The following KLHL2 variants were observed in gnomAD, a reference collection of about 807,000 sequenced individuals.
KLHL2 encodes kelch like family member 2.
A neutral mutation model predicts 75.8 loss-of-function variants in KLHL2; 15 were observed. The ratio of observed to expected loss-of-function variants is 0.20; its 90% CI spans 0.13 to 0.30. The LOEUF (loss-of-function observed/expected upper bound fraction) is 0.30, where lower values mean the gene tolerates loss of function less well. Among genes scored for constraint, KLHL2 ranks in the 10% least tolerant of loss-of-function variants. The probability of loss-of-function intolerance (pLI) is 1.00; values close to 1 mark genes in which losing one functional copy is unlikely to be tolerated. For synonymous variants in KLHL2, 214 were observed against 251.9 expected (o/e 0.85, Z 1.42); for missense variants, 381 against 741.0 (o/e 0.51, Z 5.64).
chr4:165,279,462 G>A lies in KLHL2; in HGVS notation c.545-14897G>A, dbSNP rs953408271. 4 of 1,599,386 alleles carry A rather than the reference G, an allele frequency of 2.5e-6. No individual in the cohort carries two copies. The African/African-American group carries it at 5.4e-5, about 21-fold the overall frequency. On this transcript the variant is annotated intron_variant, in intron 5 of 14. Coordinates refer to ENST00000226725, the MANE Select transcript of KLHL2 (RefSeq NM_007246.4). The stretch of plus-strand genomic sequence containing the variant: ...TTCTCTATACACTCATAGACAGAAT[G>A]TAGAATTTCCTTAGGGTCCTGTTCC...
chr4:165,209,934 C>A (rs999420001), intron 1 of KLHL2: 2 of 1,281,920 alleles, frequency 1.6e-6, no homozygotes, highest in East Asian at 2.6e-5. Flanking sequence ...CCTCCACTCC[C>A]ATTAACATCC....
chr4:165,214,427 A>G (rs956755861), intron 1 of KLHL2, among the ~76,000 whole-genome samples: 1 of 152,134 alleles, frequency 6.6e-6, no homozygotes, highest in Non-Finnish European at 1.5e-5. Context: ...TTTCCTGGTA[A>G]TAGTCACTGT....
At chr4:165,258,593 A>G (rs1428119730) in intron 4 of KLHL2, among the ~76,000 whole-genome samples, 1 of 152,180 alleles carries the variant, frequency 6.6e-6, no homozygotes, top group Non-Finnish European at 1.5e-5. Flanking sequence ...AGCTCAGAAA[A>G]TAAGTTTCAA....
At chr4:165,296,244 C>T (rs1158813564) in intron 6 of KLHL2, among the ~76,000 whole-genome samples, 3 of 152,220 alleles carry the variant, frequency 2.0e-5, no homozygotes, top group Admixed American at 2.0e-4. Flanking sequence ...CCTCCACCTA[C>T]TTTTGTCTGG....
intron 5 of KLHL2, among the ~76,000 whole-genome samples, chr4:165,273,162 C>A (rs1473795015): frequency 1.3e-5 from 2 of 152,158 alleles, no homozygotes; most frequent in Non-Finnish European, 2.9e-5. Flanking sequence ...CTTCGTTACT[C>A]CCCTTCCCTT....
intron 3 of KLHL2, among the ~76,000 whole-genome samples, chr4:165,235,145 T>TA (rs1223098643): frequency 2.0e-5 from 3 of 152,250 alleles, no homozygotes; most frequent in Non-Finnish European, 2.9e-5. Context: ...TGCCATTAGT[T>TA]ACGTTAAGTA....
intron 4 of KLHL2, among the ~76,000 whole-genome samples, chr4:165,252,100 A>G (rs1000607521): frequency 5.3e-5 from 8 of 152,228 alleles, no homozygotes; most frequent in African/African-American, 9.6e-5. Context: ...ATCTTGATGA[A>G]CAAAAAAATG....
chr4:165,250,611 G>A (rs1337808119), intron 4 of KLHL2, among the ~76,000 whole-genome samples: 1 of 152,106 alleles, frequency 6.6e-6, no homozygotes, highest in Admixed American at 6.5e-5. Context: ...TATTAAATGA[G>A]GCCAACAGTG....
intron 5 of KLHL2, among the ~76,000 whole-genome samples, chr4:165,264,682 A>G (rs796670958): frequency 0.028 from 1,936 of 68,690 alleles, 103 homozygotes; most frequent in African/African-American, 0.069. Flanking sequence ...ACGTATATGT[A>G]TGTGTGTGTG....
At chr4:165,321,443 A>G in intron 14 of KLHL2, 1 of 387,890 alleles carries the variant, frequency 2.6e-6, no homozygotes. Flanking sequence ...TACTTTAAGA[A>G]TACAATATAT....
intron 7 of KLHL2, among the ~76,000 whole-genome samples, chr4:165,298,133 C>T (rs1430086551): frequency 2.0e-5 from 3 of 152,182 alleles, no homozygotes; most frequent in Non-Finnish European, 2.9e-5. Context: ...GCCACCATTC[C>T]CCGTTCTTAG....
chr4:165,220,266 C>T (rs574838724), intron 2 of KLHL2, among the ~76,000 whole-genome samples: 5 of 151,834 alleles, frequency 3.3e-5, no homozygotes, highest in South Asian at 4.2e-4. Context: ...GTGTGGTAGC[C>T]GCTTAGCCAC....
intron 5 of KLHL2, among the ~76,000 whole-genome samples, chr4:165,291,375 T>C (rs1429263059): frequency 6.6e-6 from 1 of 152,192 alleles, no homozygotes. Flanking sequence ...TGGATAATAC[T>C]TTTGATGTTG....
chr4:165,214,526 C>G (rs1240262356), intron 1 of KLHL2, among the ~76,000 whole-genome samples: 1 of 152,118 alleles, frequency 6.6e-6, no homozygotes, highest in Non-Finnish European at 1.5e-5. Context: ...TGAAGCAGAG[C>G]TTTTTACAGC....
At chr4:165,280,143 C>T (rs1446243182) in intron 5 of KLHL2, among the ~76,000 whole-genome samples, 2 of 152,182 alleles carry the variant, frequency 1.3e-5, no homozygotes, top group Non-Finnish European at 2.9e-5. Flanking sequence ...AACTCTTGGC[C>T]GTTCAGCCTA....
chr4:165,321,996 G>A (rs1747019778), intron 14 of KLHL2, 36 bp from the exon 15 acceptor site: 1 of 1,607,894 alleles, frequency 6.2e-7, no homozygotes, highest in African/African-American at 1.3e-5. Flanking sequence ...AGTGCTGCCT[G>A]TGACTTCTTT....
rs549748133 is a variant in KLHL2 at position 165,297,865 on chromosome 4, G to A, written c.771+140G>A. The stretch of plus-strand genomic sequence containing the variant: ...AGGACAGAAGACAGTAAAGGACCCC[G>A]CAGGCTGGAGTGCAGTGGCGTCATC... On this transcript the variant is annotated intron_variant, in intron 7 of 14. Coordinates refer to ENST00000226725, the MANE Select transcript of KLHL2 (RefSeq NM_007246.4). The A allele has an allele frequency of 6.5e-5, 42 of 643,790 alleles. 1 individual carries two copies. In the Middle Eastern group the frequency reaches 2.1e-3, roughly 32 times the overall value. 39.9% of individuals were successfully genotyped at this position (643,790 alleles called of 1,614,324 possible).
chr4:165,264,454 T>C (rs1741981337), intron 5 of KLHL2, among the ~76,000 whole-genome samples: 3 of 151,624 alleles, frequency 2.0e-5, no homozygotes, highest in South Asian at 4.2e-4. Context: ...CTCCCACTTA[T>C]AAGTGTGAAT....
chr4:165,295,419 T>G (rs1178283237), intron 6 of KLHL2, among the ~76,000 whole-genome samples: 1 of 152,228 alleles, frequency 6.6e-6, no homozygotes, highest in Non-Finnish European at 1.5e-5. Flanking sequence ...GAAGATGACA[T>G]TACTTTCACA....
Sources: allele counts gnomAD v4.1 joint callset (sites outside exome capture counted in the v4.1 genomes callset), GRCh38; gene constraint gnomAD v4.1.1; transcripts MANE v1.5; gene names NCBI Gene and HGNC (gene_info 2026-07-23, HGNC 2026-07-21).